CYP4V2: variants seen among roughly 807,000 people sequenced by gnomAD.
CYP4V2 encodes cytochrome P450 family 4 subfamily V member 2.
CYP4V2 carries 55 observed loss-of-function variants against 60.8 expected under a neutral mutation model. That is an observed-to-expected ratio of 0.90 (90% CI 0.73 to 1.13). The LOEUF is 1.13. Among genes scored for constraint, CYP4V2 ranks in the 50% most tolerant of loss-of-function variants. CYP4V2 has a pLI of 0.00. For missense variants in CYP4V2, 675 were observed against 662.9 expected (o/e 1.02, Z -0.20); for synonymous variants, 239 against 236.8 (o/e 1.01, Z -0.08).
chr4:186,194,459 T>C, intron 1 of CYP4V2, 41 bp from the exon 2 acceptor site: 1 of 1,538,918 alleles, frequency 6.5e-7, no homozygotes, highest in Non-Finnish European at 9.0e-7. Flanking sequence ...GTCACAACTT[T>C]CTCATCTTGA....
intron 3 of CYP4V2, 193 bp from the exon 4 acceptor site, chr4:186,196,747 G>A (rs887820835): frequency 1.7e-6 from 1 of 579,050 alleles, no homozygotes; most frequent in South Asian, 2.4e-5. Context: ...TGTAACTATA[G>A]ATGAATATTT....
At position 186,197,482 on chromosome 4, in the gene CYP4V2, G is replaced by C. The variant is rs190069196; in HGVS notation, c.605-51G>C. ...GTCTGCCGCTGCAAAATAAACACGA[G>C]ATAACTAACGTGCGTGAATTGAATG... On this transcript the variant is annotated intron_variant, in intron 4 of 10. Coordinates refer to ENST00000378802, the MANE Select transcript of CYP4V2 (RefSeq NM_207352.4). 1.0e-4 allele frequency: 165 copies of C among 1,575,194 alleles called. No individual in the cohort carries two copies. The East Asian group carries it at 3.0e-3, about 28-fold the overall frequency.
At chr4:186,203,432 TGTGA>T (rs1456632272) in intron 7 of CYP4V2, 1 of 152,892 alleles carries the variant, frequency 6.5e-6, no homozygotes, top group Non-Finnish European at 1.5e-5. Context: ...CGGTGCAGGC[TGTGA>T]GTGTGATACT....
chr4:186,198,265 G>C (rs1299002483), intron 5 of CYP4V2, among the ~76,000 whole-genome samples: 1 of 152,188 alleles, frequency 6.6e-6, no homozygotes, highest in Non-Finnish European at 1.5e-5. Flanking sequence ...GTACTGACTG[G>C]TTTTGTAGTA....
intron 1 of CYP4V2, among the ~76,000 whole-genome samples, chr4:186,193,269 T>C (rs944433725): frequency 6.6e-6 from 1 of 152,206 alleles, no homozygotes; most frequent in Non-Finnish European, 1.5e-5. Flanking sequence ...GAAAGTAATA[T>C]ACTGAAGTCT....
chr4:186,197,252 G>T, intron 4 of CYP4V2, 122 bp downstream of exon 4: 1 of 1,271,734 alleles, frequency 7.9e-7, no homozygotes, highest in Non-Finnish European at 1.1e-6. Context: ...TCTTCAGCGC[G>T]GTTCTACGAC....
chr4:186,200,601 G>A (rs917893017), intron 6 of CYP4V2, among the ~76,000 whole-genome samples: 1 of 152,162 alleles, frequency 6.6e-6, no homozygotes, highest in Non-Finnish European at 1.5e-5. Flanking sequence ...GCTAGGGACA[G>A]GGGTAGCAGG....
rs80010698 is a variant in CYP4V2 at position 186,204,539 on chromosome 4, C to T, written c.988-661C>T. ...GCTCAGCTGGCTTTGTCATCGGACA[C>T]GCCGCAGGCTCAGTTTCTGCCTCTG... is the stretch of plus-strand genomic sequence containing the variant. On this transcript the variant is annotated intron_variant, in intron 7 of 10. Coordinates refer to ENST00000378802, the MANE Select transcript of CYP4V2 (RefSeq NM_207352.4). 3.3e-4 allele frequency: 61 copies of T among 183,082 alleles called. No homozygotes were observed. In the East Asian group the frequency reaches 8.3e-3, roughly 25 times the overall value. 11.3% of individuals were successfully genotyped at this position (183,082 alleles called of 1,614,324 possible).
Position 186,191,790 on chromosome 4 carries a change from C to A in CYP4V2, c.-34C>A, listed in dbSNP as rs570938882. 7 of 1,498,044 alleles carry A rather than the reference C, an allele frequency of 4.7e-6. No individual in the cohort carries two copies. Among genetic ancestry groups the A allele is most frequent in the Non-Finnish European group, 5.3e-6 (6 of 1,129,820 alleles). 92.8% of individuals were successfully genotyped at this position (1,498,044 alleles called of 1,614,324 possible). Reference sequence around the variant, plus strand: ...CCACGCCCCCGCGGGCCCGCACTTTCCCGGAGTGCACCCCGCGGCCGCCAG... The same window carrying A: ...CCACGCCCCCGCGGGCCCGCACTTTACCGGAGTGCACCCCGCGGCCGCCAG... On this transcript the variant is annotated 5_prime_UTR_variant, in exon 1 of 11. Coordinates refer to ENST00000378802, the MANE Select transcript of CYP4V2 (RefSeq NM_207352.4).
rs1192747996 is a variant in CYP4V2, at chr4:186,197,105, T to A, written c.579T>A (p.Thr193=). The A allele has an allele frequency of 9.3e-6, 15 of 1,613,966 alleles. No homozygotes were observed. The highest frequency in any genetic ancestry group is 1.2e-5 in the Non-Finnish European group (14 of 1,180,038). ...QEAFNCFFYI[T]LCALDIICET... ...CATTTAACTGCTTTTTTTACATCAC[T>A]CTTTGTGCCTTAGATATCATCTGTG... Residue 193 remains threonine, a synonymous_variant, in exon 4 of 11, where the codon ACT becomes ACA. Coordinates refer to ENST00000378802, the MANE Select transcript of CYP4V2 (RefSeq NM_207352.4).
rs991635562 is a variant in CYP4V2 at position 186,195,205 on chromosome 4, G to A, written c.327+593G>A. On this transcript the variant is annotated intron_variant, in intron 2 of 10. Transcript: ENST00000378802. The surrounding 1 kb of genome is among the most constrained non-coding windows in gnomAD (Gnocchi z 4.1). Reference sequence around the variant, plus strand: ...GGGGTAAACAGAGCTTCTCTTCATCGACCAAAATTAAAGACTGAATTTCCT... The same window carrying A: ...GGGGTAAACAGAGCTTCTCTTCATCAACCAAAATTAAAGACTGAATTTCCT... Among the ~76,000 whole-genome samples the A allele has an allele frequency of 4.5e-4, 68 of 152,284 alleles. No homozygotes were observed. Among genetic ancestry groups the A allele is most frequent in the African/African-American group, 1.5e-3 (63 of 41,558 alleles).
Position 186,212,874 on chromosome 4 carries a change from G to C in CYP4V2, c.*2233G>C, listed in dbSNP as rs1369548841. 2 of 152,122 alleles carry C rather than the reference G, an allele frequency of 1.3e-5. No individual in the cohort carries two copies. The highest frequency in any genetic ancestry group is 4.8e-5 in the African/African-American group (2 of 41,426). The allele number at this position is 152,122 out of a possible 1,614,324, so 9.4% of individuals were successfully genotyped here. ...GTGCCTACAACCCAGGCCCTAAGTT[G>C]ATGAAGAAAAAGTCAAGGAAGGAGG... On this transcript the variant is annotated 3_prime_UTR_variant, in exon 11 of 11. Coordinates refer to ENST00000378802, the MANE Select transcript of CYP4V2 (RefSeq NM_207352.4).
chr4:186,192,031 G>GGGC lies in CYP4V2; in HGVS notation c.210_212dup (p.Arg71dup), dbSNP rs1561429368. ...CCACGCGCTGCTGATGAAGCCGGAC[G>GGGC]GGCGAGGTAAGGGCCGGCGCTCCTC... On this transcript the variant is annotated inframe_insertion, in exon 1 of 11. Transcript: ENST00000378802. 1 of 1,576,064 alleles carries GGGC rather than the reference G, an allele frequency of 6.3e-7. No individual in the cohort carries two copies. Among genetic ancestry groups the GGGC allele is most frequent in the Admixed American group, 1.8e-5 (1 of 56,096 alleles).
At position 186,212,032 on chromosome 4, in the gene CYP4V2, T is replaced by G. The variant is rs1736740605; in HGVS notation, c.*1391T>G. The G allele has an allele frequency of 6.6e-6, 1 of 152,184 alleles. No homozygotes were observed. Among genetic ancestry groups the G allele is most frequent in the Admixed American group, 6.5e-5 (1 of 15,282 alleles). 9.4% of individuals were successfully genotyped at this position (152,184 alleles called of 1,614,324 possible). On this transcript the variant is annotated 3_prime_UTR_variant, in exon 11 of 11. Coordinates refer to ENST00000378802, the MANE Select transcript of CYP4V2 (RefSeq NM_207352.4). ...TTTGGAGCTAGAAGGACTTTAGAACTTATCTAGTTATGCTCCTTTATATTA... is the reference window on the plus strand; with the variant it reads ...TTTGGAGCTAGAAGGACTTTAGAACGTATCTAGTTATGCTCCTTTATATTA...
rs1363696327 is a variant in CYP4V2 at position 186,213,240 on chromosome 4, G to A, written c.*2599G>A. On this transcript the variant is annotated 3_prime_UTR_variant, in exon 11 of 11. Transcript: ENST00000378802. ...TTCATATGCTACAGTATTGAAATGT[G>A]GATGCTGCCTTGTTTTATAAGAAGA... 6.6e-6 allele frequency: 1 copy of A among 152,220 alleles called. No individual in the cohort carries two copies. Among genetic ancestry groups the A allele is most frequent in the African/African-American group, 2.4e-5 (1 of 41,450 alleles). 9.4% of individuals were successfully genotyped at this position (152,220 alleles called of 1,614,324 possible).
At chr4:186,209,072 G>C (rs1482936892) in intron 9 of CYP4V2, 21 bp from the exon 10 acceptor site, 1 of 1,614,042 alleles carries the variant, frequency 6.2e-7, no homozygotes, top group Non-Finnish European at 8.5e-7. Context: ...GTCTCATAAT[G>C]TATTGACTAC....
In CYP4V2 at chr4:186,191,849, T is replaced by C; in HGVS notation, c.26T>C (p.Val9Ala). ...ATGGCGGGGCTCTGGCTGGGGCTCG[T>C]GTGGCAGAAGCTGCTGCTGTGGGGC... MAGLWLGL[V>A]WQKLLLWGAA... The change falls in exon 1 of 11, where the codon GTG becomes GCG. Residue 9 changes from valine (V) to alanine (A), a missense_variant. Coordinates refer to ENST00000378802, the MANE Select transcript of CYP4V2 (RefSeq NM_207352.4). 6.3e-7 allele frequency: 1 copy of C among 1,576,556 alleles called. No homozygotes were observed. Among genetic ancestry groups the C allele is most frequent in the South Asian group, 1.1e-5 (1 of 87,314 alleles).
intron 7 of CYP4V2, chr4:186,204,652 A>G: frequency 4.9e-6 from 1 of 205,520 alleles, no homozygotes; most frequent in Non-Finnish European, 1.0e-5. Context: ...AAGAACAGTA[A>G]TGAGTCTTTC....
At chr4:186,203,752 GT>G (rs1736396398) in intron 7 of CYP4V2, 1 of 152,232 alleles carries the variant, frequency 6.6e-6, no homozygotes, top group African/African-American at 2.4e-5. Context: ...AGTAGGTTTT[GT>G]AACTGCAAGT....
Sources: gnomAD v4.1 joint callset for allele counts (sites outside exome capture counted in the v4.1 genomes callset) on GRCh38, gnomAD v4.1.1 for gene constraint, Gnocchi (gnomAD v3.1) non-coding constraint, MANE v1.5 for transcripts, NCBI Gene and HGNC (gene_info 2026-07-23, HGNC 2026-07-21) for gene names.